NIPBL: variants seen among roughly 807,000 people sequenced by gnomAD.
NIPBL encodes NIPBL cohesin loading factor.
A neutral mutation model predicts 321.8 loss-of-function variants in NIPBL; 19 were observed. That is an observed-to-expected ratio of 0.06 (90% CI 0.04 to 0.09). The LOEUF (loss-of-function observed/expected upper bound fraction) is 0.09. NIPBL is among the 10% of genes least tolerant of loss of function. The pLI is 1.00. For missense variants in NIPBL, 2,210 were observed against 3,327.0 expected (o/e 0.66, Z 8.26); for synonymous variants, 1,106 against 1,114.1 (o/e 0.99, Z 0.14).
intron 1 of NIPBL, chr5:36,885,106 G>T: frequency 3.2e-6 from 1 of 316,200 alleles, no homozygotes; most frequent in South Asian, 3.0e-5. Flanking sequence ...TATATAATCA[G>T]ATAAGTTAAA....
chr5:36,912,795 C>T (rs933135633), intron 1 of NIPBL, among the ~76,000 whole-genome samples: 6 of 151,984 alleles, frequency 3.9e-5, no homozygotes, highest in African/African-American at 7.2e-5. Context: ...CCACCGCGCC[C>T]GGTGTGTTGT....
chr5:36,960,443 T>A (rs1468661961), intron 4 of NIPBL, among the ~76,000 whole-genome samples: 1 of 151,660 alleles, frequency 6.6e-6, no homozygotes, highest in African/African-American at 2.4e-5. Flanking sequence ...AAAACAATTC[T>A]GTGCTGAGTT....
At chr5:37,033,723 T>G in intron 32 of NIPBL, among the ~76,000 whole-genome samples, 1 of 94,508 alleles carries the variant, frequency 1.1e-5, no homozygotes, top group South Asian at 3.5e-4. Context: ...TATATATATA[T>G]ATATATATTT....
At chr5:36,951,841 G>T (rs1223227204) in intron 1 of NIPBL, among the ~76,000 whole-genome samples, 1 of 151,962 alleles carries the variant, frequency 6.6e-6, no homozygotes, top group Non-Finnish European at 1.5e-5. Flanking sequence ...GGAAAGTAAT[G>T]TTTTTTCCCT....
rs1746039165 is a variant in NIPBL at position 36,995,502 on chromosome 5, TTAAAA to T, written c.3122-115_3122-111del. On this transcript the variant is annotated intron_variant, in intron 10 of 46. Coordinates refer to ENST00000282516, the MANE Select transcript of NIPBL (RefSeq NM_133433.4). The stretch of plus-strand genomic sequence containing the variant: ...TTAAGAGTATTATAGTTGTGTTTTA[TTAAAA>T]TAAACAGTTGATTTAGAAAACAAAT... 8 of 687,092 alleles carry T rather than the reference TTAAAA, an allele frequency of 1.2e-5. No homozygotes were observed. The East Asian group carries it at 1.4e-4, about 12-fold the overall frequency. The allele number at this position is 687,092 out of a possible 1,614,324, so 42.6% of individuals were successfully genotyped here. A position where few individuals can be genotyped will look rare whatever the true frequency, so the allele number is the denominator to read the frequency against.
In NIPBL at chr5:37,065,130, T is replaced by C. The variant is rs927071035; in HGVS notation, c.*238T>C. 1.9e-6 allele frequency: 1 copy of C among 531,104 alleles called. No individual in the cohort carries two copies. Among genetic ancestry groups the C allele is most frequent in the African/African-American group, 1.9e-5 (1 of 52,244 alleles). 32.9% of individuals were successfully genotyped at this position (531,104 alleles called of 1,614,324 possible). On this transcript the variant is annotated 3_prime_UTR_variant, in exon 47 of 47. Coordinates refer to ENST00000282516, the MANE Select transcript of NIPBL (RefSeq NM_133433.4). The stretch of plus-strand genomic sequence containing the variant: ...CCACTGTATTATAGTTTAACAAAAA[T>C]TGTTTATATCTTGGAAAAAAAACTT...
rs539134059 is a variant in NIPBL, at chr5:37,058,233, G to C, written c.7411-658G>C. On this transcript the variant is annotated intron_variant, in intron 43 of 46. Transcript: ENST00000282516. ...TGTTAATGTGCACATTTAAGTTTGAGAAGTTAATAATTTCCCAGGAGCTTT... is the reference window on the plus strand; with the variant it reads ...TGTTAATGTGCACATTTAAGTTTGACAAGTTAATAATTTCCCAGGAGCTTT... Among the ~76,000 whole-genome samples, 5 of 152,260 alleles carry C rather than the reference G, an allele frequency of 3.3e-5. No individual in the cohort carries two copies. In the East Asian group the frequency reaches 7.7e-4, roughly 23 times the overall value.
chr5:37,061,065 G>T, intron 45 of NIPBL, 47 bp downstream of exon 45: 1 of 1,487,616 alleles, frequency 6.7e-7, no homozygotes, highest in South Asian at 1.1e-5. Context: ...GGGCTTTTTT[G>T]ACAAGTAAAT....
chr5:36,930,115 C>A (rs1184051720), intron 1 of NIPBL, among the ~76,000 whole-genome samples: 21 of 151,808 alleles, frequency 1.4e-4, no homozygotes, highest in African/African-American at 4.8e-4. Flanking sequence ...GGAAAAAAAA[C>A]AGCTGGGATT....
chr5:37,011,548 C>T (rs1226866877), intron 21 of NIPBL, among the ~76,000 whole-genome samples: 1 of 152,124 alleles, frequency 6.6e-6, no homozygotes, highest in African/African-American at 2.4e-5. Flanking sequence ...GAATGAGAAC[C>T]TGTCTAAAAA....
At chr5:36,894,420 A>G (rs187041532) in intron 1 of NIPBL, among the ~76,000 whole-genome samples, 72 of 152,292 alleles carry the variant, frequency 4.7e-4, no homozygotes, top group African/African-American at 1.7e-3. Context: ...GTATTGTACT[A>G]TACTATACTG....
At chr5:36,910,730 T>C (rs1285041654) in intron 1 of NIPBL, among the ~76,000 whole-genome samples, 3 of 152,182 alleles carry the variant, frequency 2.0e-5, no homozygotes, top group Non-Finnish European at 2.9e-5. Context: ...AAGGGAGATA[T>C]AGGAGCTGAT....
chr5:37,006,889 C>G (rs1036434911), intron 17 of NIPBL, among the ~76,000 whole-genome samples: 1 of 151,870 alleles, frequency 6.6e-6, no homozygotes, highest in Non-Finnish European at 1.5e-5. Flanking sequence ...TGGATTGATT[C>G]AAGATAAATA....
At chr5:36,881,771 C>G (rs986372677) in intron 1 of NIPBL, among the ~76,000 whole-genome samples, 1 of 151,834 alleles carries the variant, frequency 6.6e-6, no homozygotes, top group Non-Finnish European at 1.5e-5. Context: ...AGAATTCAGG[C>G]TATATATTCT....
intron 34 of NIPBL, among the ~76,000 whole-genome samples, chr5:37,039,337 A>G (rs1752069148): frequency 6.6e-6 from 1 of 150,914 alleles, no homozygotes; most frequent in Non-Finnish European, 1.5e-5. Flanking sequence ...ACAATATATT[A>G]AATATGGAAA....
At chr5:36,922,175 A>G (rs1284648972) in intron 1 of NIPBL, among the ~76,000 whole-genome samples, 1 of 152,130 alleles carries the variant, frequency 6.6e-6, no homozygotes, top group African/African-American at 2.4e-5. Context: ...GGCATGAGCG[A>G]CAGCACCTGG....
chr5:36,958,711 T>C (rs1741261009), intron 4 of NIPBL, among the ~76,000 whole-genome samples: 1 of 152,046 alleles, frequency 6.6e-6, no homozygotes, highest in Non-Finnish European at 1.5e-5. Context: ...CATGGTATTA[T>C]AAAATAATAA....
intron 36 of NIPBL, 81 bp from the exon 37 acceptor site, chr5:37,045,362 T>A (rs906358615): frequency 1.9e-5 from 21 of 1,115,674 alleles, no homozygotes; most frequent in Non-Finnish European, 2.3e-5. Context: ...AAAAAAAAAA[T>A]TGTAATTCAT....
chr5:37,000,963 A>T (rs770618974), intron 13 of NIPBL, 26 bp from the exon 14 acceptor site: 29 of 1,590,950 alleles, frequency 1.8e-5, no homozygotes, highest in Non-Finnish European at 8.6e-7. Flanking sequence ...ATGTGAGAAT[A>T]ATGAATATAT....
Sources: gnomAD v4.1 joint callset for allele counts (sites outside exome capture counted in the v4.1 genomes callset) on GRCh38, gnomAD v4.1.1 for gene constraint, MANE v1.5 for transcripts, NCBI Gene and HGNC (gene_info 2026-07-23, HGNC 2026-07-21) for gene names.